SCAPER: variants seen among roughly 807,000 people sequenced by gnomAD.
The protein encoded by SCAPER is S-phase cyclin A associated protein in the ER.
In SCAPER, 98 loss-of-function variants were observed where a neutral mutation model predicts 182.2. The observed-to-expected ratio is 0.54, with a 90% CI of 0.46 to 0.64. SCAPER has a LOEUF of 0.64. Among genes scored for constraint, SCAPER ranks in the 30% least tolerant of loss-of-function variants. The probability of loss-of-function intolerance (pLI) is 0.00; values close to 1 mark genes in which losing one functional copy is unlikely to be tolerated. For missense variants in SCAPER, 1,432 were observed against 1,690.0 expected (o/e 0.85, Z 2.68); for synonymous variants, 605 against 564.6 (o/e 1.07, Z -1.01).
chr15:76,572,049 C>G (rs1174418755), intron 23 of SCAPER, among the ~76,000 whole-genome samples: 2 of 152,116 alleles, frequency 1.3e-5, no homozygotes, highest in Non-Finnish European at 2.9e-5. Context: ...CTGACACAGA[C>G]CATTTAGACT....
chr15:76,535,888 A>C lies in SCAPER; in HGVS notation c.2839-30914T>G, dbSNP rs371730768. On this transcript the variant is annotated intron_variant, in intron 23 of 31. Coordinates refer to ENST00000563290, the MANE Select transcript of SCAPER (RefSeq NM_020843.4). Reference sequence around the variant, plus strand: ...TCTCAGTAGTCATAGGGTCTTAGGAAGGTCTTCCAACTTTGTGGGCCTGTA... The same window carrying C: ...TCTCAGTAGTCATAGGGTCTTAGGACGGTCTTCCAACTTTGTGGGCCTGTA... Among the ~76,000 whole-genome samples the C allele has an allele frequency of 7.2e-5, 11 of 152,280 alleles. No individual in the cohort carries two copies. In the East Asian group the frequency reaches 1.9e-3, roughly 27 times the overall value.
At position 76,434,194 on chromosome 15, in the gene SCAPER, A is replaced by C. The variant is rs1201950640; in HGVS notation, c.3195T>G (p.Ile1065Met). 1 of 1,613,856 alleles carries C rather than the reference A, an allele frequency of 6.2e-7. No homozygotes were observed. The highest frequency in any genetic ancestry group is 8.5e-7 in the Non-Finnish European group (1 of 1,179,886). ...GGCAGTTTCCATCTGGTCGATTGGC[A>C]ATCAGGCAGCCCAAAACCACAGCAC... Reference protein sequence around the residue: ...KVSAVVLGCLIANRPDGNCQP... With the variant: ...KVSAVVLGCLMANRPDGNCQP... Residue 1065 changes from isoleucine to methionine, a missense_variant, in exon 26 of 32, where the codon ATT (isoleucine) becomes ATG (methionine). Physicochemically the swap from Ile to Met is conservative, Grantham distance 10. Coordinates refer to ENST00000563290, the MANE Select transcript of SCAPER (RefSeq NM_020843.4).
At chr15:76,548,025 G>A (rs1445584867) in intron 23 of SCAPER, among the ~76,000 whole-genome samples, 1 of 151,968 alleles carries the variant, frequency 6.6e-6, no homozygotes, top group African/African-American at 2.4e-5. Flanking sequence ...ATCAAACTAT[G>A]AGCATCCTGG....
At chr15:76,702,536 C>G (rs1567847703) in intron 19 of SCAPER, among the ~76,000 whole-genome samples, 1 of 152,088 alleles carries the variant, frequency 6.6e-6, no homozygotes, top group African/African-American at 2.4e-5. Context: ...CAACCTCCAC[C>G]TCCTGGGTTC....
intron 22 of SCAPER, among the ~76,000 whole-genome samples, chr15:76,601,625 T>G (rs1464776511): frequency 8.2e-6 from 1 of 121,686 alleles, no homozygotes; most frequent in Non-Finnish European, 2.0e-5. Flanking sequence ...TCAGAACATA[T>G]TTTCATTGTT....
At chr15:76,660,462 C>T (rs1317784531) in intron 21 of SCAPER, among the ~76,000 whole-genome samples, 1 of 152,054 alleles carries the variant, frequency 6.6e-6, no homozygotes, top group Admixed American at 6.6e-5. Context: ...GAAAAAAAGG[C>T]ATACACTCAT....
intron 26 of SCAPER, among the ~76,000 whole-genome samples, chr15:76,428,893 T>TAA (rs1555432009): frequency 7.2e-5 from 10 of 139,576 alleles, no homozygotes; most frequent in Non-Finnish European, 1.2e-4. Context: ...TATATATATA[T>TAA]AAACATCAAA....
chr15:76,539,407 A>C (rs1003190943), intron 23 of SCAPER, among the ~76,000 whole-genome samples: 3 of 152,228 alleles, frequency 2.0e-5, no homozygotes, highest in Admixed American at 6.5e-5. Context: ...AAATGTTTTA[A>C]GTTAAAACAC....
intron 25 of SCAPER, among the ~76,000 whole-genome samples, chr15:76,454,936 G>C (rs2048619888): frequency 6.6e-6 from 1 of 151,920 alleles, no homozygotes; most frequent in South Asian, 2.1e-4. Flanking sequence ...AGTTAGTCTG[G>C]TGAGTTATAT....
chr15:76,543,664 A>T (rs2044989358), intron 23 of SCAPER, among the ~76,000 whole-genome samples: 1 of 152,124 alleles, frequency 6.6e-6, no homozygotes, highest in Admixed American at 6.6e-5. Context: ...GATGCTTCAA[A>T]GTGGAGGAAC....
chr15:76,887,115 A>C (rs1052944031), intron 1 of SCAPER, among the ~76,000 whole-genome samples: 2 of 152,214 alleles, frequency 1.3e-5, no homozygotes, highest in Non-Finnish European at 2.9e-5. Flanking sequence ...CAAGTTTACC[A>C]ACATAACAAA....
chr15:76,860,113 C>T (rs952510857), intron 3 of SCAPER, among the ~76,000 whole-genome samples: 1 of 152,140 alleles, frequency 6.6e-6, no homozygotes, highest in Non-Finnish European at 1.5e-5. Flanking sequence ...GGGTTATGTA[C>T]AGATGTTTGA....
At chr15:76,424,214 G>C (rs921760655) in intron 26 of SCAPER, among the ~76,000 whole-genome samples, 1 of 152,118 alleles carries the variant, frequency 6.6e-6, no homozygotes, top group Non-Finnish European at 1.5e-5. Context: ...TGTTGATGGT[G>C]GGATGTTAAA....
chr15:76,377,343 G>A lies in SCAPER; in HGVS notation c.3706-1032C>T, dbSNP rs116210358. ...TTTTTCAAGCCCCAAAGAGACTTCA[G>A]AAGGACTTTGCTCCTTTAAATCAAG... On this transcript the variant is annotated intron_variant, in intron 28 of 31. Coordinates refer to ENST00000563290, the MANE Select transcript of SCAPER (RefSeq NM_020843.4). Among the ~76,000 whole-genome samples, 862 of 152,224 alleles carry A rather than the reference G, an allele frequency of 5.7e-3. 7 individuals carry two copies. Among genetic ancestry groups the A allele is most frequent in the African/African-American group, 0.02 (815 of 41,548 alleles).
chr15:76,349,434 G>A (rs2040390861), intron 31 of SCAPER: 2 of 149,454 alleles, frequency 1.3e-5, no homozygotes, highest in African/African-American at 5.0e-5. Context: ...ACTGGCCAGT[G>A]ACATAGGTAA....
intron 1 of SCAPER, among the ~76,000 whole-genome samples, chr15:76,890,383 T>C (rs1285591856): frequency 2.0e-5 from 3 of 151,986 alleles, no homozygotes; most frequent in Non-Finnish European, 4.4e-5. Context: ...CCAGGAGCTG[T>C]TTTTTTGAAA....
intron 15 of SCAPER, among the ~76,000 whole-genome samples, chr15:76,739,367 C>T (rs1598451230): frequency 6.6e-6 from 1 of 152,300 alleles, no homozygotes; most frequent in East Asian, 1.9e-4. Flanking sequence ...AACTTTCACG[C>T]TTTCATTTAA....
At chr15:76,695,592 G>A (rs544128024) in intron 20 of SCAPER, among the ~76,000 whole-genome samples, 15 of 137,070 alleles carry the variant, frequency 1.1e-4, no homozygotes, top group Non-Finnish European at 2.1e-4. Flanking sequence ...GCAAGACTCC[G>A]TCTCAAAAAA....
At chr15:76,684,779 T>A (rs1053138315) in intron 20 of SCAPER, among the ~76,000 whole-genome samples, 6 of 151,866 alleles carry the variant, frequency 4.0e-5, no homozygotes, top group South Asian at 2.1e-4. Flanking sequence ...TGTTTAAGAA[T>A]CTTCCAACCA....
Sources: gnomAD v4.1 joint callset for allele counts (sites outside exome capture counted in the v4.1 genomes callset) on GRCh38, gnomAD v4.1.1 for gene constraint, MANE v1.5 for transcripts, NCBI Gene and HGNC (gene_info 2026-07-23, HGNC 2026-07-21) for gene names.